Variants in DMD observed in about 807,000 individuals in gnomAD.
The protein encoded by DMD is mutant dystrophin.
A neutral mutation model predicts 330.1 loss-of-function variants in DMD; 63 were observed. That is an observed-to-expected ratio of 0.19 (90% CI 0.16 to 0.24). The LOEUF (loss-of-function observed/expected upper bound fraction) is 0.24, where lower values mean the gene tolerates loss of function less well. Among genes scored for constraint, DMD ranks in the 10% least tolerant of loss-of-function variants. DMD has a pLI of 1.00. For synonymous variants in DMD, 1,223 were observed against 959.8 expected, an observed-to-expected ratio of 1.27 and a Z score of -5.07; for missense variants, 3,344 against 2,684.1, an observed-to-expected ratio of 1.25 and a Z score of -5.43.
At chrX:33,337,134 TG>T (rs1326151808) in intron 1 of DMD, among the ~76,000 whole-genome samples, 7 of 111,418 alleles carry the variant, frequency 6.3e-5, no homozygotes, top group Non-Finnish European at 1.3e-4. Flanking sequence ...CTATCTTCAT[TG>T]AAAAAGAAAA....
At chrX:32,440,947 T>A (rs1446031001) in intron 28 of DMD, among the ~76,000 whole-genome samples, 1 of 111,232 alleles carries the variant, frequency 9.0e-6, no homozygotes, top group African/African-American at 3.3e-5. Context: ...AACTTAGTGA[T>A]ATAATAAAGG....
At chrX:32,727,926 A>G (rs778345682) in intron 7 of DMD, among the ~76,000 whole-genome samples, 20 of 111,385 alleles carry the variant, frequency 1.8e-4, no homozygotes, top group Non-Finnish European at 3.2e-4. Flanking sequence ...TAATCTCCAT[A>G]GTTTATAAAG....
At chrX:32,088,576 G>C (rs779982967) in intron 44 of DMD, among the ~76,000 whole-genome samples, 1 of 109,160 alleles carries the variant, frequency 9.2e-6, no homozygotes, top group Non-Finnish European at 1.9e-5. Context: ...AAGTAGTTTC[G>C]TAATAGGAGA....
At chrX:33,264,598 A>T (rs143357075) in intron 1 of DMD, among the ~76,000 whole-genome samples, 107 of 111,329 alleles carry the variant, frequency 9.6e-4, no homozygotes, top group African/African-American at 3.3e-3. Flanking sequence ...CCCTAGGGAC[A>T]AAATAAAGTC....
intron 48 of DMD, among the ~76,000 whole-genome samples, chrX:31,872,204 T>G (rs2093903011): frequency 9.3e-6 from 1 of 107,491 alleles, no homozygotes; most frequent in African/African-American, 3.4e-5. Flanking sequence ...AGCCAAGGAG[T>G]TTTCTGCCAG....
intron 11 of DMD, among the ~76,000 whole-genome samples, chrX:32,642,075 C>A (rs975629181): frequency 2.7e-5 from 3 of 111,458 alleles, no homozygotes; most frequent in Non-Finnish European, 3.8e-5. Context: ...CAAAATCTTT[C>A]AAAAATCAGG....
intron 45 of DMD, among the ~76,000 whole-genome samples, chrX:31,954,012 T>A (rs950905785): frequency 3.6e-5 from 4 of 110,345 alleles, no homozygotes; most frequent in African/African-American, 1.3e-4. Context: ...AAACACCAAA[T>A]AAGTCAGTAG....
chrX:32,440,001 T>G (rs1042525775), intron 28 of DMD, among the ~76,000 whole-genome samples: 6 of 111,290 alleles, frequency 5.4e-5, no homozygotes, highest in African/African-American at 1.6e-4. Flanking sequence ...TCTCTTTCCT[T>G]AACATTCCTT....
chrX:33,255,529 C>T (rs1408901338), intron 1 of DMD, among the ~76,000 whole-genome samples: 1 of 110,429 alleles, frequency 9.1e-6, no homozygotes, highest in Admixed American at 9.7e-5. Context: ...ACAAATACCA[C>T]TTGATTATTT....
At chrX:32,683,259 G>C (rs909244223) in intron 9 of DMD, among the ~76,000 whole-genome samples, 7 of 110,607 alleles carry the variant, frequency 6.3e-5, no homozygotes, top group African/African-American at 9.9e-5. Flanking sequence ...TCTAGAACTA[G>C]AAATACCACT....
At chrX:31,839,275 T>C (rs2093267514) in intron 48 of DMD, among the ~76,000 whole-genome samples, 1 of 112,144 alleles carries the variant, frequency 8.9e-6, no homozygotes, top group African/African-American at 3.2e-5. Flanking sequence ...TAAAGAATTA[T>C]CCTCTATGAG....
intron 55 of DMD, among the ~76,000 whole-genome samples, chrX:31,546,669 T>C (rs1816755515): frequency 8.9e-6 from 1 of 112,145 alleles, no homozygotes; most frequent in South Asian, 3.7e-4. Flanking sequence ...GAATACCAAT[T>C]ACCAGGGCAG....
intron 50 of DMD, among the ~76,000 whole-genome samples, chrX:31,804,435 TG>T (rs1303011688): frequency 9.0e-6 from 1 of 111,713 alleles, no homozygotes; most frequent in East Asian, 2.8e-4. Context: ...CCTGAACCAC[TG>T]GAATAGCCTC....
At chrX:32,495,481 T>C (rs1195668901) in intron 19 of DMD, among the ~76,000 whole-genome samples, 1 of 111,801 alleles carries the variant, frequency 8.9e-6, no homozygotes, top group Non-Finnish European at 1.9e-5. Flanking sequence ...GAGAGGATGG[T>C]CACGTTACTT....
chrX:31,502,543 T>C (rs1362788539), intron 56 of DMD, among the ~76,000 whole-genome samples: 2 of 111,513 alleles, frequency 1.8e-5, no homozygotes, highest in Non-Finnish European at 3.8e-5. Context: ...CTACAGACTA[T>C]ATAATGTCAG....
intron 42 of DMD, among the ~76,000 whole-genome samples, chrX:32,290,749 G>A (rs999477525): frequency 2.7e-5 from 3 of 111,665 alleles, no homozygotes; most frequent in African/African-American, 6.5e-5. Context: ...AGTTTAGTTT[G>A]CCTTTAAGAA....
In DMD at chrX:31,173,722, T is replaced by C. The variant is rs777382994; in HGVS notation, c.10263-118A>G. ...GCTTTTATTCTAATTCTATGGATAA[T>C]GTATACATTTAGTTGCTCCTATATC... On this transcript the variant is annotated intron_variant, in intron 71 of 78. Transcript: ENST00000357033. The C allele has an allele frequency of 1.3e-5, 7 of 532,514 alleles. No homozygotes were observed. In the South Asian group the frequency reaches 2.1e-4, roughly 16 times the overall value. 43.9% of individuals were successfully genotyped at this position (532,514 alleles called of 1,213,427 possible).
At chrX:33,191,733 G>T (rs982226838) in intron 1 of DMD, among the ~76,000 whole-genome samples, 1 of 112,018 alleles carries the variant, frequency 8.9e-6, no homozygotes, top group Non-Finnish European at 1.9e-5. Context: ...CTGCTTTATG[G>T]TTTTATTTTG....
intron 30 of DMD, among the ~76,000 whole-genome samples, chrX:32,408,512 G>A (rs1026072090): frequency 2.6e-4 from 29 of 111,431 alleles, no homozygotes; most frequent in African/African-American, 8.8e-4. Flanking sequence ...GATCTCAAAC[G>A]ATCTTAAAAT....
Sources: gnomAD v4.1 joint callset for allele counts (sites outside exome capture counted in the v4.1 genomes callset) on GRCh38, gnomAD v4.1.1 for gene constraint, MANE v1.5 for transcripts, NCBI Gene and HGNC (gene_info 2026-07-23, HGNC 2026-07-21) for gene names.